The following ESRRG variants were observed in gnomAD, a reference collection of about 807,000 sequenced individuals.
ESRRG encodes the protein estrogen-related receptor gamma.
Under a neutral mutation model 44.0 loss-of-function variants are expected in ESRRG, and 13 were observed. That is an observed-to-expected ratio of 0.30 (90% CI 0.19 to 0.47). The LOEUF (loss-of-function observed/expected upper bound fraction) is 0.47. Among genes scored for constraint, ESRRG ranks in the 20% least tolerant of loss-of-function variants. ESRRG has a pLI of 1.00. For synonymous variants in ESRRG, 215 were observed against 214.6 expected (o/e 1.00, Z -0.02); for missense variants, 395 against 580.6 (o/e 0.68, Z 3.29).
chr1:216,948,314 T>C (rs779254489), intron 1 of ESRRG, among the ~76,000 whole-genome samples: 27 of 151,644 alleles, frequency 1.8e-4, no homozygotes, highest in Non-Finnish European at 3.1e-4. Context: ...CTCAGCACTT[T>C]GCGAGGCAGA....
At chr1:216,976,138 C>T (rs1337674649) in intron 1 of ESRRG, among the ~76,000 whole-genome samples, 2 of 151,926 alleles carry the variant, frequency 1.3e-5, no homozygotes, top group Admixed American at 6.6e-5. Flanking sequence ...TAGAGTCCTA[C>T]ATTAATCCAA....
chr1:216,914,421 T>G (rs1197078099), intron 2 of ESRRG, among the ~76,000 whole-genome samples: 1 of 152,170 alleles, frequency 6.6e-6, no homozygotes, highest in Non-Finnish European at 1.5e-5. Context: ...CTTTTTCCCA[T>G]TGTAAGTTAA....
At chr1:216,896,208 G>T (rs1394719591) in intron 2 of ESRRG, among the ~76,000 whole-genome samples, 3 of 152,172 alleles carry the variant, frequency 2.0e-5, no homozygotes, top group East Asian at 1.9e-4. Flanking sequence ...TTAATTGGGA[G>T]GAAAGAAGAA....
At chr1:217,024,015 G>A (rs1373786231) in intron 1 of ESRRG, among the ~76,000 whole-genome samples, 3 of 152,180 alleles carry the variant, frequency 2.0e-5, no homozygotes, top group South Asian at 2.1e-4. Context: ...ACACAAAATG[G>A]TTTTGTGATT....
chr1:216,507,180 G>C lies in ESRRG; in HGVS notation c.1136C>G (p.Ser379Cys), dbSNP rs994779706. ...GGCTTCAACATCTTCTATGTGCATG[G>C]AGTCTGTGCAATGAAGCAAAAGATA... Reference protein sequence around the residue: ...LKAIALANSDSMHIEDVEAVQ... With the variant: ...LKAIALANSDCMHIEDVEAVQ... The change falls in exon 7 of 7, where the codon TCC becomes TGC. Residue 379 changes from serine to cysteine, a missense_variant. Ser to Cys is a moderately radical substitution (Grantham distance 112). This residue lies in a region of ESRRG where 167 missense variants were observed against 251.8 expected (regional missense o/e 0.66). Coordinates refer to ENST00000408911, the MANE Select transcript of ESRRG (RefSeq NM_001438.4). The C allele has an allele frequency of 6.2e-7, 1 of 1,602,192 alleles. No homozygotes were observed. The highest frequency in any genetic ancestry group is 1.3e-5 in the African/African-American group (1 of 74,434).
intron 1 of ESRRG, among the ~76,000 whole-genome samples, chr1:216,954,369 G>A (rs2818800): frequency 0.65 from 99,402 of 152,008 alleles, 35,686 homozygotes; most frequent in Non-Finnish European, 0.82. Context: ...AGAACTCCCT[G>A]TCCCTGCATT....
At chr1:216,587,008 A>T (rs921986934) in intron 3 of ESRRG, among the ~76,000 whole-genome samples, 6 of 152,202 alleles carry the variant, frequency 3.9e-5, no homozygotes, top group Non-Finnish European at 7.3e-5. Context: ...TTAATAAATA[A>T]TATCACATTA....
chr1:217,083,240 T>C (rs116051945), intron 1 of ESRRG, among the ~76,000 whole-genome samples: 1,573 of 152,344 alleles, frequency 0.01, 25 homozygotes, highest in African/African-American at 0.035. Context: ...TATCTACTAA[T>C]TGGTTTACAA....
chr1:216,639,495 C>T (rs1035940536), intron 3 of ESRRG, among the ~76,000 whole-genome samples: 1 of 152,158 alleles, frequency 6.6e-6, no homozygotes, highest in African/African-American at 2.4e-5. Context: ...GGGCAACATG[C>T]TGGCTTGAAC....
rs563974417 is a variant in ESRRG at position 216,660,531 on chromosome 1, T to C, written c.473-9442A>G. Among the ~76,000 whole-genome samples the C allele has an allele frequency of 3.3e-5, 5 of 152,372 alleles. No homozygotes were observed. The East Asian group carries it at 9.6e-4, about 29-fold the overall frequency. ...AGTCTGTGCTCTTAAATATGAGGCA[T>C]GCTGCCTAACTCTAATCTTTTAAAA... On this transcript the variant is annotated intron_variant, in intron 2 of 6. Coordinates refer to ENST00000408911, the MANE Select transcript of ESRRG (RefSeq NM_001438.4).
At chr1:216,851,421 C>A (rs758321938) in intron 2 of ESRRG, among the ~76,000 whole-genome samples, 1 of 152,030 alleles carries the variant, frequency 6.6e-6, no homozygotes, top group Non-Finnish European at 1.5e-5. Context: ...CTCCCCACTC[C>A]CCACCAGGTA....
chr1:216,705,087 T>G (rs968854050), intron 1 of ESRRG, among the ~76,000 whole-genome samples: 1 of 152,180 alleles, frequency 6.6e-6, no homozygotes, highest in Non-Finnish European at 1.5e-5. Context: ...CTTGTTTGAC[T>G]CTAGTTTACA....
At position 216,506,556 on chromosome 1, in the gene ESRRG, G is replaced by A. The variant is rs185243950; in HGVS notation, c.*383C>T. 1.8e-5 allele frequency: 8 copies of A among 442,170 alleles called. No homozygotes were observed. The highest frequency in any genetic ancestry group is 3.6e-5 in the Non-Finnish European group (8 of 224,610). The allele number at this position is 442,170 out of a possible 1,614,324, so 27.4% of individuals were successfully genotyped here. A position where few individuals can be genotyped will look rare whatever the true frequency, so the allele number is the denominator to read the frequency against. On this transcript the variant is annotated 3_prime_UTR_variant, in exon 7 of 7. Coordinates refer to ENST00000408911, the MANE Select transcript of ESRRG (RefSeq NM_001438.4). ...AAAGCTATTTCAAATTTAGAAAAAA[G>A]GGGAAGGATGAGAAAAGAGAGGAAT...
At chr1:216,842,280 A>T (rs560704994) in intron 2 of ESRRG, among the ~76,000 whole-genome samples, 1 of 152,234 alleles carries the variant, frequency 6.6e-6, no homozygotes, top group South Asian at 2.1e-4. Flanking sequence ...ACTGAGGCTT[A>T]AGAGAACCCT....
In ESRRG at chr1:217,066,259, T is replaced by TC. The variant is rs796497971; in HGVS notation, c.-106+23247_-106+23248insG. 2.9e-3 allele frequency among the ~76,000 whole-genome samples: 243 copies of TC among 84,142 alleles called. 2 individuals carry two copies. Among genetic ancestry groups the TC allele is most frequent in the African/African-American group, 9.1e-3 (226 of 24,876 alleles). The allele number at this position is 84,142 out of a possible 152,430, so 55.2% of individuals were successfully genotyped here. A position where few individuals can be genotyped will look rare whatever the true frequency, so the allele number is the denominator to read the frequency against. ...GGGAGAATTCCTTTTTCTTTTCTTT[T>TC]TTTTTTTTTTTTTGAGACGGAGTCT... On this transcript the variant is annotated intron_variant, in intron 1 of 7. Coordinates refer to the ESRRG transcript ENST00000359162.
rs951013811 is a variant in ESRRG at position 216,817,046 on chromosome 1, A to G, written c.-14+122536T>C. Among the ~76,000 whole-genome samples, 5 of 150,822 alleles carry G rather than the reference A, an allele frequency of 3.3e-5. No homozygotes were observed. The South Asian group carries it at 6.2e-4, about 19-fold the overall frequency. ...AAAGAGTGCAAACCATTGTTATTAA[A>G]GAAAGAAAATGATAAAAAAAAAAAA... On this transcript the variant is annotated intron_variant, in intron 2 of 7. Transcript: ENST00000359162.
chr1:216,970,035 T>C (rs1191372430), intron 1 of ESRRG, among the ~76,000 whole-genome samples: 1 of 152,174 alleles, frequency 6.6e-6, no homozygotes, highest in Non-Finnish European at 1.5e-5. Context: ...TCACCTTCTT[T>C]ATTTCAAATT....
chr1:216,812,657 A>C (rs1041452836), intron 2 of ESRRG, among the ~76,000 whole-genome samples: 2 of 152,096 alleles, frequency 1.3e-5, no homozygotes, highest in Admixed American at 1.3e-4. Flanking sequence ...CTCAAATATA[A>C]ATTCAATTTC....
intron 1 of ESRRG, among the ~76,000 whole-genome samples, chr1:216,703,104 T>C (rs1196420264): frequency 6.6e-6 from 1 of 152,216 alleles, no homozygotes; most frequent in Non-Finnish European, 1.5e-5. Context: ...TTACTTTGTT[T>C]ATCTAAGGAG....
Sources: allele counts gnomAD v4.1 joint callset (sites outside exome capture counted in the v4.1 genomes callset), GRCh38; gene constraint gnomAD v4.1.1; regional missense constraint gnomAD v4.1.1; transcripts MANE v1.5; gene names NCBI Gene and HGNC (gene_info 2026-07-23, HGNC 2026-07-21).